COL13A1: variants seen among roughly 807,000 people sequenced by gnomAD.
The protein encoded by COL13A1 is collagen type XIII alpha 1 chain, also known as collagen alpha-1(XIII) chain.
COL13A1 carries 89 observed loss-of-function variants against 130.9 expected under a neutral mutation model. The ratio of observed to expected loss-of-function variants is 0.68; its 90% CI spans 0.57 to 0.81. The LOEUF (loss-of-function observed/expected upper bound fraction) is 0.81. Ranked by LOEUF, COL13A1 falls within the 30% of genes least tolerant of loss-of-function variation. COL13A1 has a pLI of 0.00. For missense variants in COL13A1, 879 were observed against 934.6 expected (o/e 0.94, Z 0.78); for synonymous variants, 402 against 341.6 (o/e 1.18, Z -1.95).
At chr10:69,899,200 T>A (rs1277681733) in intron 14 of COL13A1, among the ~76,000 whole-genome samples, 1 of 152,208 alleles carries the variant, frequency 6.6e-6, no homozygotes, top group Non-Finnish European at 1.5e-5. Flanking sequence ...AGCTGTGTCA[T>A]TTGGGGCAAG....
intron 35 of COL13A1, among the ~76,000 whole-genome samples, chr10:69,942,908 C>A (rs182350400): frequency 6.6e-6 from 1 of 152,158 alleles, no homozygotes; most frequent in African/African-American, 2.4e-5. Context: ...AGTGCAGTGG[C>A]GCAATCTTGG....
At chr10:69,840,544 T>C (rs908211477) in intron 2 of COL13A1, among the ~76,000 whole-genome samples, 1 of 152,198 alleles carries the variant, frequency 6.6e-6, no homozygotes, top group African/African-American at 2.4e-5. Context: ...CACAGTGCAT[T>C]TCCTTGCTCA....
At chr10:69,840,203 A>G (rs1038583062) in intron 2 of COL13A1, among the ~76,000 whole-genome samples, 5 of 152,180 alleles carry the variant, frequency 3.3e-5, no homozygotes, top group African/African-American at 1.2e-4. Context: ...TGGGCTGTGA[A>G]GCTGCTGGAG....
intron 1 of COL13A1, among the ~76,000 whole-genome samples, chr10:69,805,798 G>C (rs1451556137): frequency 1.3e-5 from 2 of 152,224 alleles, no homozygotes; most frequent in Non-Finnish European, 2.9e-5. Context: ...GGAGAGCAAT[G>C]GGTAAGGCAG....
Position 69,846,492 on chromosome 10 carries a change from G to T in COL13A1, c.365-21306G>T, listed in dbSNP as rs534875689. 2.0e-5 allele frequency among the ~76,000 whole-genome samples: 3 copies of T among 152,290 alleles called. No individual in the cohort carries two copies. The East Asian group carries it at 5.8e-4, about 29-fold the overall frequency. ...ACTCTTGTACACCCCCACTGCCCCG[G>T]GAAGGTGCATCCAGGGAGAAGGCTC... On this transcript the variant is annotated intron_variant, in intron 2 of 40. Coordinates refer to ENST00000645393, the MANE Select transcript of COL13A1 (RefSeq NM_001368882.1).
intron 7 of COL13A1, among the ~76,000 whole-genome samples, chr10:69,885,638 G>A (rs187512538): frequency 3.0e-4 from 45 of 152,290 alleles, no homozygotes; most frequent in African/African-American, 1.1e-3. Flanking sequence ...TCCCTACCAC[G>A]TAAACATTGT....
At chr10:69,813,237 G>A (rs1388592643) in intron 1 of COL13A1, among the ~76,000 whole-genome samples, 1 of 152,018 alleles carries the variant, frequency 6.6e-6, no homozygotes, top group Non-Finnish European at 1.5e-5. Flanking sequence ...GATGACCCCT[G>A]GACCCCTGAG....
rs10532425 is a variant in COL13A1 at position 69,877,699 on chromosome 10, T to TCACACA, written c.436-298_436-293dup. On this transcript the variant is annotated intron_variant, in intron 5 of 40. Transcript: ENST00000645393. ...GTCTCTCTCTCTCTCTCTCTCTCTC[T>TCACACA]CACACACACACACACACACACACAC... 3.4e-3 allele frequency: 295 copies of TCACACA among 86,854 alleles called. 3 individuals are homozygous for TCACACA. Among genetic ancestry groups the TCACACA allele is most frequent in the Non-Finnish European group, 5.2e-3 (224 of 43,434 alleles). 5.4% of individuals were successfully genotyped at this position (86,854 alleles called of 1,614,324 possible).
intron 38 of COL13A1, 94 bp downstream of exon 38, chr10:69,947,436 C>T: frequency 8.2e-7 from 1 of 1,223,092 alleles, no homozygotes; most frequent in Non-Finnish European, 1.2e-6. Flanking sequence ...ACATGGCGAA[C>T]AGTTTTTCCT....
intron 5 of COL13A1, 67 bp from the exon 6 acceptor site, chr10:69,877,972 T>C (rs1220569636): frequency 5.7e-6 from 4 of 695,746 alleles, no homozygotes; most frequent in South Asian, 1.5e-5. Flanking sequence ...TGCCTCTTTC[T>C]CATCCCCTCT....
In COL13A1 at chr10:69,878,059, C is replaced by T. The variant is rs937419735; in HGVS notation, c.456C>T (p.Gly152=). ...PGRVGVKGQP[G]EKGSPGDAGL... ...CCCAGGGAGTAAAGGGCCAACCAGG[C>T]GAGAAGGTGAGTCCACACTTTCCCC... The change falls in exon 6 of 41, where the codon GGC becomes GGT. Residue 152 remains glycine, a synonymous_variant. Coordinates refer to ENST00000645393, the MANE Select transcript of COL13A1 (RefSeq NM_001368882.1). 2.3e-5 allele frequency: 16 copies of T among 702,878 alleles called. No individual in the cohort carries two copies. Among genetic ancestry groups the T allele is most frequent in the South Asian group, 4.4e-5 (3 of 67,604 alleles). The allele number at this position is 702,878 out of a possible 1,614,324, so 43.5% of individuals were successfully genotyped here.
chr10:69,857,088 G>T (rs1856645841), intron 2 of COL13A1, among the ~76,000 whole-genome samples: 1 of 152,178 alleles, frequency 6.6e-6, no homozygotes, highest in Non-Finnish European at 1.5e-5. Context: ...TGTTCAGCCT[G>T]AGAACAGTGC....
chr10:69,935,055 C>T (rs1008128389), intron 31 of COL13A1, among the ~76,000 whole-genome samples: 4 of 151,860 alleles, frequency 2.6e-5, no homozygotes, highest in Non-Finnish European at 5.9e-5. Flanking sequence ...CCTAGTGCTG[C>T]TAGATCTTCT....
chr10:69,884,143 T>G (rs887189891), intron 7 of COL13A1, among the ~76,000 whole-genome samples: 1 of 152,138 alleles, frequency 6.6e-6, no homozygotes, highest in Admixed American at 6.5e-5. Flanking sequence ...TAAAGTCCAA[T>G]GGGAACTGTC....
At chr10:69,892,320 C>A (rs960074323) in intron 10 of COL13A1, among the ~76,000 whole-genome samples, 4 of 152,194 alleles carry the variant, frequency 2.6e-5, no homozygotes, top group African/African-American at 9.7e-5. Context: ...CTGGCACTCA[C>A]CCTCATTGTT....
intron 27 of COL13A1, among the ~76,000 whole-genome samples, chr10:69,927,576 TG>T (rs1821302008): frequency 6.6e-6 from 1 of 152,238 alleles, no homozygotes; most frequent in Non-Finnish European, 1.5e-5. Flanking sequence ...ATTTCAAGTC[TG>T]GGTTTTGTAC....
rs1372803475 is a variant in COL13A1 at position 69,958,737 on chromosome 10, G to C, written c.*36G>C. On this transcript the variant is annotated 3_prime_UTR_variant, in exon 41 of 41. Transcript: ENST00000645393. ...CTTGGATTGGCCTGTGTGTGTGTTTGTACATAGAATATTTATTTTTATACA... is the reference window on the plus strand; with the variant it reads ...CTTGGATTGGCCTGTGTGTGTGTTTCTACATAGAATATTTATTTTTATACA... 2.5e-6 allele frequency: 4 copies of C among 1,612,492 alleles called. No homozygotes were observed. The highest frequency in any genetic ancestry group is 3.4e-6 in the Non-Finnish European group (4 of 1,179,492).
chr10:69,838,241 C>T (rs12357700), intron 2 of COL13A1, among the ~76,000 whole-genome samples: 11,523 of 152,312 alleles, frequency 0.076, 688 homozygotes, highest in East Asian at 0.18. Flanking sequence ...GGAGCCTGGG[C>T]TTTAGAGACA....
chr10:69,920,601 C>T (rs1166625462), intron 21 of COL13A1, among the ~76,000 whole-genome samples: 2 of 152,138 alleles, frequency 1.3e-5, no homozygotes, highest in East Asian at 1.9e-4. Context: ...TTTGAGAGAC[C>T]GTTCTCCCTC....
Sources: gnomAD v4.1 joint callset for allele counts (sites outside exome capture counted in the v4.1 genomes callset) on GRCh38, gnomAD v4.1.1 for gene constraint, MANE v1.5 for transcripts, NCBI Gene and HGNC (gene_info 2026-07-23, HGNC 2026-07-21) for gene names.